Variants in ADAMTSL1 observed in about 807,000 individuals in gnomAD.
ADAMTSL1 encodes ADAMTS-like protein 1.
In ADAMTSL1, 126 loss-of-function variants were observed where a neutral mutation model predicts 201.8. The ratio of observed to expected loss-of-function variants is 0.62; its 90% CI spans 0.54 to 0.72. The LOEUF (loss-of-function observed/expected upper bound fraction) is 0.72. Ranked by LOEUF, ADAMTSL1 falls within the 30% of genes least tolerant of loss-of-function variation. The pLI is 0.00. For synonymous variants in ADAMTSL1, 1,121 were observed against 903.4 expected, an observed-to-expected ratio of 1.24 and a Z score of -4.32; for missense variants, 2,679 against 2,277.8, an observed-to-expected ratio of 1.18 and a Z score of -3.59.
intron 7 of ADAMTSL1, among the ~76,000 whole-genome samples, chr9:18,650,406 C>T (rs1828160567): frequency 1.3e-5 from 2 of 152,094 alleles, no homozygotes; most frequent in Admixed American, 6.5e-5. Flanking sequence ...CACTGACCTG[C>T]ACCCACTGTC....
chr9:18,306,496 A>G (rs1428378138), intron 2 of ADAMTSL1, among the ~76,000 whole-genome samples: 1 of 152,200 alleles, frequency 6.6e-6, no homozygotes, highest in Admixed American at 6.5e-5. Flanking sequence ...AGAGAAGAAC[A>G]GAAATGAATG....
chr9:18,477,689 C>G (rs1382222808), intron 1 of ADAMTSL1, among the ~76,000 whole-genome samples: 1 of 152,220 alleles, frequency 6.6e-6, no homozygotes, highest in African/African-American at 2.4e-5. Flanking sequence ...TCGCATAGAT[C>G]TACAGAACGC....
intron 1 of ADAMTSL1, among the ~76,000 whole-genome samples, chr9:18,125,273 G>T (rs981372755): frequency 2.6e-5 from 4 of 152,038 alleles, no homozygotes; most frequent in Non-Finnish European, 5.9e-5. Context: ...AAAACCATCA[G>T]ATCTGGTGAG....
intron 1 of ADAMTSL1, among the ~76,000 whole-genome samples, chr9:17,961,419 C>T (rs1418157836): frequency 5.9e-5 from 9 of 151,848 alleles, no homozygotes; most frequent in African/African-American, 1.9e-4. Flanking sequence ...TGGCTAATTT[C>T]GTATATTTTT....
chr9:18,058,848 C>T (rs1822316174), intron 1 of ADAMTSL1, among the ~76,000 whole-genome samples: 1 of 152,116 alleles, frequency 6.6e-6, no homozygotes, highest in African/African-American at 2.4e-5. Flanking sequence ...TAAAAGAAAC[C>T]ACAGATGTTA....
rs1352571180 is a variant in ADAMTSL1, at chr9:18,710,661, G to GTTTTTTTTTTTTTTTT, written c.1876+3617_1876+3618insTTTTTTTTTTTTTTTT. Among the ~76,000 whole-genome samples the GTTTTTTTTTTTTTTTT allele has an allele frequency of 2.5e-5, 2 of 79,644 alleles. 1 individual carries two copies. The highest frequency in any genetic ancestry group is 8.6e-5 in the African/African-American group (2 of 23,128). 52.2% of individuals were successfully genotyped at this position (79,644 alleles called of 152,430 possible). On this transcript the variant is annotated intron_variant, in intron 14 of 28. Coordinates refer to ENST00000380548, the MANE Select transcript of ADAMTSL1 (RefSeq NM_001040272.6). The stretch of plus-strand genomic sequence containing the variant: ...TCCTTGCAGTCTTAGAAGGGCCTAA[G>GTTTTTTTTTTTTTTTT]TTTTGTTTTGTTTTTTTTTTTTTTT...
At chr9:18,660,524 C>G (rs1236649299) in intron 8 of ADAMTSL1, among the ~76,000 whole-genome samples, 2 of 152,180 alleles carry the variant, frequency 1.3e-5, no homozygotes, top group East Asian at 3.8e-4. Flanking sequence ...GAATAATCAT[C>G]TCAGATTAAT....
intron 2 of ADAMTSL1, among the ~76,000 whole-genome samples, chr9:18,523,433 C>T (rs973647433): frequency 2.0e-5 from 3 of 152,148 alleles, no homozygotes; most frequent in African/African-American, 7.2e-5. Flanking sequence ...TGTGCAGAAG[C>T]TCTTTAGTTT....
chr9:18,641,463 C>A (rs187636524), intron 7 of ADAMTSL1, among the ~76,000 whole-genome samples: 3 of 152,060 alleles, frequency 2.0e-5, no homozygotes, highest in Non-Finnish European at 4.4e-5. Flanking sequence ...GAGTGACTTG[C>A]CTGAGTTCAC....
intron 1 of ADAMTSL1, among the ~76,000 whole-genome samples, chr9:17,942,668 A>G (rs1344913116): frequency 6.6e-6 from 1 of 152,104 alleles, no homozygotes; most frequent in African/African-American, 2.4e-5. Flanking sequence ...TCTGAAACTC[A>G]TGTGCCCTTG....
intron 1 of ADAMTSL1, among the ~76,000 whole-genome samples, chr9:18,485,674 G>A (rs763289822): frequency 6.6e-6 from 1 of 152,182 alleles, no homozygotes; most frequent in African/African-American, 2.4e-5. Context: ...GCCAGCAGAG[G>A]GACTTGCACG....
intron 1 of ADAMTSL1, among the ~76,000 whole-genome samples, chr9:18,121,953 A>C (rs1477401977): frequency 2.0e-5 from 3 of 152,132 alleles, no homozygotes; most frequent in Non-Finnish European, 2.9e-5. Flanking sequence ...GCCACCACTG[A>C]CTTACTTTCT....
rs528407989 is a variant in ADAMTSL1, at chr9:18,281,858, C to T, written c.207+117877C>T. Among the ~76,000 whole-genome samples, 13 of 152,366 alleles carry T rather than the reference C, an allele frequency of 8.5e-5. No individual in the cohort carries two copies. The South Asian group carries it at 2.3e-3, about 27-fold the overall frequency. On this transcript the variant is annotated intron_variant, in intron 2 of 29. Coordinates refer to the ADAMTSL1 transcript ENST00000680146. ...GTGCTGGGATTATAGGCATGAGCCA[C>T]TGCACCTGGCCCCATTCTACAAATT...
At chr9:18,463,268 C>G (rs912780411) in intron 2 of ADAMTSL1, among the ~76,000 whole-genome samples, 1 of 152,188 alleles carries the variant, frequency 6.6e-6, no homozygotes, top group Non-Finnish European at 1.5e-5. Flanking sequence ...TTACTTGGCA[C>G]AAGATTTAAG....
chr9:18,375,821 G>A (rs538721650), intron 2 of ADAMTSL1, among the ~76,000 whole-genome samples: 1 of 152,242 alleles, frequency 6.6e-6, no homozygotes, highest in African/African-American at 2.4e-5. Context: ...CTGCCGATTG[G>A]CCCATTTTAC....
intron 2 of ADAMTSL1, among the ~76,000 whole-genome samples, chr9:18,525,580 A>C (rs1818985955): frequency 6.6e-6 from 1 of 152,192 alleles, no homozygotes. Flanking sequence ...GTGGGCATTT[A>C]GTGCTGCAAA....
chr9:18,362,396 G>A (rs1836567788), intron 2 of ADAMTSL1, among the ~76,000 whole-genome samples: 1 of 152,176 alleles, frequency 6.6e-6, no homozygotes, highest in East Asian at 1.9e-4. Flanking sequence ...GGCCAACTCA[G>A]GAAATGAAAA....
upstream of ADAMTSL1, among the ~76,000 whole-genome samples, chr9:18,470,355 C>G (rs1033982500): frequency 1.3e-5 from 2 of 152,178 alleles, no homozygotes; most frequent in Non-Finnish European, 1.5e-5. Context: ...GAGTAATGCT[C>G]AAATTTCAGT....
At chr9:17,907,453 C>A (rs1426071087) in intron 1 of ADAMTSL1, among the ~76,000 whole-genome samples, 1 of 152,178 alleles carries the variant, frequency 6.6e-6, no homozygotes, top group Admixed American at 6.5e-5. Context: ...GTAATGTGTG[C>A]GGACGCCGGA....
Sources: gnomAD v4.1 joint callset for allele counts (sites outside exome capture counted in the v4.1 genomes callset) on GRCh38, gnomAD v4.1.1 for gene constraint, MANE v1.5 for transcripts, NCBI Gene and HGNC (gene_info 2026-07-23, HGNC 2026-07-21) for gene names.